The following FOXN3 variants were observed in gnomAD, a reference collection of about 807,000 sequenced individuals.
FOXN3 encodes forkhead box protein N3.
A neutral mutation model predicts 38.4 loss-of-function variants in FOXN3; 7 were observed. That is an observed-to-expected ratio of 0.18 (90% CI 0.10 to 0.34). FOXN3 has a LOEUF of 0.34. Among genes scored for constraint, FOXN3 ranks in the 10% least tolerant of loss-of-function variants. The pLI is 1.00. For synonymous variants in FOXN3, 230 were observed against 242.2 expected (o/e 0.95, Z 0.47); for missense variants, 456 against 613.4 (o/e 0.74, Z 2.71).
At chr14:89,348,361 T>G (rs2140005061) in intron 3 of FOXN3, among the ~76,000 whole-genome samples, 1 of 152,258 alleles carries the variant, frequency 6.6e-6, no homozygotes, top group East Asian at 1.9e-4. Flanking sequence ...TGTCAACAAG[T>G]GGCCTGATGG....
At chr14:89,180,556 T>C in intron 5 of FOXN3, 145 bp downstream of exon 5, 1 of 522,212 alleles carries the variant, frequency 1.9e-6, no homozygotes, top group Non-Finnish European at 3.3e-6. Flanking sequence ...TTGGGGTTAC[T>C]TTCACATTTC....
chr14:89,439,906 G>T (rs984402561), intron 1 of FOXN3, among the ~76,000 whole-genome samples: 10 of 151,902 alleles, frequency 6.6e-5, no homozygotes, highest in African/African-American at 9.7e-5. Flanking sequence ...CACCCGCCTC[G>T]GCCTCCCAAA....
At chr14:89,473,911 G>A (rs1219063583) in intron 1 of FOXN3, among the ~76,000 whole-genome samples, 2 of 151,864 alleles carry the variant, frequency 1.3e-5, no homozygotes, top group African/African-American at 2.4e-5. Context: ...GACAAAATTT[G>A]TAGTATTCTC....
At chr14:89,180,924 A>G in intron 4 of FOXN3, 118 bp from the exon 5 acceptor site, 2 of 496,622 alleles carry the variant, frequency 4.0e-6, no homozygotes, top group Non-Finnish European at 6.7e-6. Context: ...GGGCAGAGAC[A>G]GAGAGAAACA....
rs570202369 is a variant in FOXN3, at chr14:89,569,054, T to A, written c.-15+49974A>T. Among the ~76,000 whole-genome samples, 607 of 151,998 alleles carry A rather than the reference T, an allele frequency of 4.0e-3. 2 individuals carry two copies. The highest frequency in any genetic ancestry group is 6.5e-3 in the Non-Finnish European group (444 of 67,952). ...CCCATCTCTACTAAAAATACAAAAATATTAGCCGGGCGTGGTGGCGGGTGC... is the reference window on the plus strand; with the variant it reads ...CCCATCTCTACTAAAAATACAAAAAAATTAGCCGGGCGTGGTGGCGGGTGC... On this transcript the variant is annotated intron_variant, in intron 1 of 6. Coordinates refer to the FOXN3 transcript ENST00000345097.
chr14:89,309,162 C>G (rs1023860282), intron 3 of FOXN3, among the ~76,000 whole-genome samples: 2 of 152,182 alleles, frequency 1.3e-5, no homozygotes, highest in African/African-American at 2.4e-5. Context: ...AACATCACAG[C>G]TTACAGGCCA....
intron 2 of FOXN3, among the ~76,000 whole-genome samples, chr14:89,370,347 A>G (rs1890280046): frequency 6.6e-6 from 1 of 152,166 alleles, no homozygotes; most frequent in African/African-American, 2.4e-5. Context: ...ACAACCAGCA[A>G]GAGGCAGCAA....
rs370727443 is a variant in FOXN3 at position 89,519,045 on chromosome 14, C to A, written c.-15+99983G>T. Among the ~76,000 whole-genome samples the A allele has an allele frequency of 3.3e-5, 5 of 152,174 alleles. No homozygotes were observed. In the South Asian group the frequency reaches 1.0e-3, roughly 32 times the overall value. Reference sequence around the variant, plus strand: ...AACAAAAAAAGAGAATAAGTTCTTCCAAGCACTCATCTATAGAGCTATGGA... The same window carrying A: ...AACAAAAAAAGAGAATAAGTTCTTCAAAGCACTCATCTATAGAGCTATGGA... On this transcript the variant is annotated intron_variant, in intron 1 of 6. Coordinates refer to the FOXN3 transcript ENST00000345097.
chr14:89,511,252 T>TTTCC (rs1894079416), intron 1 of FOXN3, among the ~76,000 whole-genome samples: 1 of 16,306 alleles, frequency 6.1e-5, no homozygotes, highest in African/African-American at 1.6e-4. Context: ...CTTTCTTTTC[T>TTTCC]TTCTTTCTTT....
At chr14:89,407,220 A>T (rs1253776801) in intron 2 of FOXN3, among the ~76,000 whole-genome samples, 1 of 152,196 alleles carries the variant, frequency 6.6e-6, no homozygotes, top group East Asian at 1.9e-4. Flanking sequence ...AAGTAAACAG[A>T]ATGCAAGTAC....
At chr14:89,413,990 G>A (rs1596260871) in intron 1 of FOXN3, among the ~76,000 whole-genome samples, 1 of 150,942 alleles carries the variant, frequency 6.6e-6, no homozygotes, top group Admixed American at 6.6e-5. Flanking sequence ...AGGAGGAGAA[G>A]AAGGAGGAGG....
intron 1 of FOXN3, among the ~76,000 whole-genome samples, chr14:89,591,697 G>C (rs1372671663): frequency 6.6e-6 from 1 of 152,206 alleles, no homozygotes; most frequent in Non-Finnish European, 1.5e-5. Context: ...GGTTGAAGCA[G>C]GAGGATCGCT....
chr14:89,455,716 A>C (rs1215277483), intron 1 of FOXN3, among the ~76,000 whole-genome samples: 1 of 152,202 alleles, frequency 6.6e-6, no homozygotes, highest in Non-Finnish European at 1.5e-5. Context: ...GAAGGACAGA[A>C]TCTCAAGGAG....
intron 1 of FOXN3, among the ~76,000 whole-genome samples, chr14:89,573,198 G>A (rs1185234435): frequency 6.6e-6 from 1 of 152,196 alleles, no homozygotes; most frequent in Non-Finnish European, 1.5e-5. Context: ...ATCAGCCGCC[G>A]TGGGAAAGGT....
chr14:89,322,533 C>G (rs1321074952), intron 3 of FOXN3, among the ~76,000 whole-genome samples: 1 of 151,986 alleles, frequency 6.6e-6, no homozygotes, highest in African/African-American at 2.4e-5. Flanking sequence ...CTGGAGGGGG[C>G]TGCAGAGGGA....
At chr14:89,459,653 C>T (rs1488646526) in intron 1 of FOXN3, among the ~76,000 whole-genome samples, 6 of 152,162 alleles carry the variant, frequency 3.9e-5, no homozygotes, top group Non-Finnish European at 7.3e-5. Context: ...AGAGAAGAGG[C>T]TGGGGGCAGA....
intron 4 of FOXN3, among the ~76,000 whole-genome samples, chr14:89,208,709 T>C (rs1220140988): frequency 6.6e-6 from 1 of 152,192 alleles, no homozygotes; most frequent in African/African-American, 2.4e-5. Flanking sequence ...ACAGACTCTC[T>C]CAGTTCTAAG....
chr14:89,232,961 T>C (rs1056317446), intron 4 of FOXN3, among the ~76,000 whole-genome samples: 1 of 152,146 alleles, frequency 6.6e-6, no homozygotes, highest in Non-Finnish European at 1.5e-5. Flanking sequence ...CAAGAAACAG[T>C]CATAGTAACA....
intron 4 of FOXN3, among the ~76,000 whole-genome samples, chr14:89,223,687 C>T (rs1210205062): frequency 1.3e-5 from 2 of 152,156 alleles, no homozygotes; most frequent in South Asian, 2.1e-4. Context: ...CCGGGTGCGG[C>T]GCTGGTTGCT....
Sources: allele counts gnomAD v4.1 joint callset (sites outside exome capture counted in the v4.1 genomes callset), GRCh38; gene constraint gnomAD v4.1.1; transcripts MANE v1.5; gene names NCBI Gene and HGNC (gene_info 2026-07-23, HGNC 2026-07-21).